LRRC49: variants seen among roughly 807,000 people sequenced by gnomAD.
LRRC49 encodes leucine-rich repeat-containing protein 49.
In LRRC49, 50 loss-of-function variants were observed where a neutral mutation model predicts 83.3. The observed-to-expected ratio is 0.60, with a 90% CI of 0.48 to 0.76. LRRC49 has a LOEUF of 0.76. Among genes scored for constraint, LRRC49 ranks in the 30% least tolerant of loss-of-function variants. The probability of loss-of-function intolerance (pLI) is 0.00; values close to 1 mark genes in which losing one functional copy is unlikely to be tolerated. For missense variants in LRRC49, 704 were observed against 809.1 expected (o/e 0.87, Z 1.58); for synonymous variants, 286 against 283.3 (o/e 1.01, Z -0.10).
chr15:70,873,123 G>C, exon 2 of LRRC49: 1 of 1,155,780 alleles, frequency 8.7e-7, no homozygotes, highest in Non-Finnish European at 1.2e-6. Context: ...GACCTCAAGT[G>C]ATCCACCCGC....
chr15:70,915,640 G>A (rs558652053), intron 6 of LRRC49, among the ~76,000 whole-genome samples: 65 of 152,136 alleles, frequency 4.3e-4, no homozygotes, highest in African/African-American at 1.6e-3. Flanking sequence ...TTTTTCTACA[G>A]TATCTATTTT....
intron 1 of LRRC49, among the ~76,000 whole-genome samples, chr15:70,865,670 T>C (rs1180231846): frequency 6.6e-6 from 1 of 152,340 alleles, no homozygotes; most frequent in Admixed American, 6.5e-5. Flanking sequence ...GAATTTAGGC[T>C]TTTGAAAACA....
chr15:70,882,586 T>G (rs761043928), intron 2 of LRRC49: 3 of 1,613,960 alleles, frequency 1.9e-6, no homozygotes, highest in Non-Finnish European at 2.5e-6. Context: ...TAGACCACAA[T>G]TCCTCTGTCT....
At position 71,052,730 on chromosome 15, in the gene LRRC49, AC is replaced by A. The variant is rs1329474182; in HGVS notation, c.*3119del. 6.6e-6 allele frequency: 1 copy of A among 152,210 alleles called. No individual in the cohort carries two copies. The highest frequency in any genetic ancestry group is 2.4e-5 in the African/African-American group (1 of 41,450). The allele number at this position is 152,210 out of a possible 1,614,324, so 9.4% of individuals were successfully genotyped here. ...TATATATGATAGCAATCCCATTTGA[AC>A]ACTAGAAAACTGAGGCATAGAGAGG... is the stretch of plus-strand genomic sequence containing the variant. On this transcript the variant is annotated 3_prime_UTR_variant, in exon 16 of 16. Transcript: ENST00000260382.
intron 8 of LRRC49, among the ~76,000 whole-genome samples, chr15:70,938,695 T>A (rs2035691149): frequency 6.6e-6 from 1 of 152,166 alleles, no homozygotes; most frequent in Non-Finnish European, 1.5e-5. Flanking sequence ...GCACAATTGT[T>A]CTTCTATATC....
At chr15:70,889,881 T>C (rs2033508268), upstream of LRRC49, among the ~76,000 whole-genome samples, 1 of 152,202 alleles carries the variant, frequency 6.6e-6, no homozygotes, top group African/African-American at 2.4e-5. Flanking sequence ...TTTAGCGATG[T>C]GGTTAGGGTT....
At chr15:70,974,794 T>C in intron 9 of LRRC49, among the ~76,000 whole-genome samples, 1 of 151,882 alleles carries the variant, frequency 6.6e-6, no homozygotes, top group Non-Finnish European at 1.5e-5. Context: ...CCTAAAATAT[T>C]TACCATACTA....
chr15:70,870,115 T>C (rs1178844901), intron 1 of LRRC49, among the ~76,000 whole-genome samples: 3 of 152,380 alleles, frequency 2.0e-5, no homozygotes, highest in African/African-American at 7.2e-5. Context: ...AAGTTTGGAA[T>C]GTGTCCAAGC....
At chr15:71,032,723 A>G (rs1367505963) in intron 14 of LRRC49, among the ~76,000 whole-genome samples, 1 of 152,090 alleles carries the variant, frequency 6.6e-6, no homozygotes, top group Non-Finnish European at 1.5e-5. Flanking sequence ...AAATCAATAA[A>G]CGTAATTCAT....
rs571192361 is a variant in LRRC49, at chr15:70,865,796, A to C, written c.-298-7112A>C. Among the ~76,000 whole-genome samples, 11 of 152,330 alleles carry C rather than the reference A, an allele frequency of 7.2e-5. No individual in the cohort carries two copies. In the East Asian group the frequency reaches 2.1e-3, roughly 29 times the overall value. The stretch of plus-strand genomic sequence containing the variant: ...CATGGGACTTTCAGTGTCAAAACCA[A>C]GAAAATCCTGGGCAAGCCAAGATGA... On this transcript the variant is annotated intron_variant, in intron 1 of 16. Transcript: ENST00000544974.
chr15:70,894,286 G>C (rs2033728169), intron 2 of LRRC49, among the ~76,000 whole-genome samples: 1 of 152,080 alleles, frequency 6.6e-6, no homozygotes, highest in Non-Finnish European at 1.5e-5. Context: ...TCTTAATAGA[G>C]GGTAAAATAA....
chr15:70,902,803 T>C (rs1304957625), intron 4 of LRRC49, among the ~76,000 whole-genome samples: 1 of 152,122 alleles, frequency 6.6e-6, no homozygotes, highest in African/African-American at 2.4e-5. Context: ...GTCTGTTAGA[T>C]GTATCAGTAA....
At chr15:70,862,258 C>A (rs2032806969) in intron 1 of LRRC49, among the ~76,000 whole-genome samples, 1 of 152,122 alleles carries the variant, frequency 6.6e-6, no homozygotes, top group Non-Finnish European at 1.5e-5. Context: ...ATGTTAGAAT[C>A]TTAGAATCAC....
upstream of LRRC49, among the ~76,000 whole-genome samples, chr15:70,888,881 G>A (rs186013312): frequency 5.5e-4 from 83 of 152,190 alleles, no homozygotes; most frequent in East Asian, 5.8e-4. Context: ...ATCAGTAATC[G>A]GGGGATGAAA....
At chr15:70,882,520 C>G in intron 2 of LRRC49, 4 of 1,613,866 alleles carry the variant, frequency 2.5e-6, no homozygotes, top group Non-Finnish European at 3.4e-6. Context: ...TCTTGATATC[C>G]CAGTCTGTAT....
chr15:70,875,616 A>G lies in LRRC49; in HGVS notation c.18+2393A>G, dbSNP rs568119063. On this transcript the variant is annotated intron_variant, in intron 2 of 16. Transcript: ENST00000544974. ...ATATCCTTTCCTGCCTCTAGCTAAG[A>G]GTTATGGAACACTTACCATGTGCCC... Among the ~76,000 whole-genome samples the G allele has an allele frequency of 1.2e-4, 19 of 152,218 alleles. 1 individual carries two copies. The South Asian group carries it at 3.9e-3, about 32-fold the overall frequency.
intron 9 of LRRC49, among the ~76,000 whole-genome samples, chr15:70,971,974 C>T (rs1329913227): frequency 1.3e-5 from 2 of 151,954 alleles, no homozygotes; most frequent in Non-Finnish European, 2.9e-5. Context: ...GGCATTTAGC[C>T]CATTTACATT....
chr15:70,923,249 T>C (rs1265633976), intron 7 of LRRC49, among the ~76,000 whole-genome samples: 1 of 152,020 alleles, frequency 6.6e-6, no homozygotes, highest in African/African-American at 2.4e-5. Context: ...CCAGTAAATG[T>C]AGATTATGTG....
At chr15:70,918,017 C>T (rs2034853506) in intron 6 of LRRC49, among the ~76,000 whole-genome samples, 1 of 152,242 alleles carries the variant, frequency 6.6e-6, no homozygotes, top group Non-Finnish European at 1.5e-5. Flanking sequence ...CCCTGCGGTT[C>T]CTCGCATATC....
Sources: gnomAD v4.1 joint callset for allele counts (sites outside exome capture counted in the v4.1 genomes callset) on GRCh38, gnomAD v4.1.1 for gene constraint, MANE v1.5 for transcripts, NCBI Gene and HGNC (gene_info 2026-07-23, HGNC 2026-07-21) for gene names.